Variants in GRHL2 observed in about 807,000 individuals in gnomAD.
GRHL2 encodes grainyhead like transcription factor 2.
GRHL2 carries 21 observed loss-of-function variants against 83.8 expected under a neutral mutation model. The observed-to-expected ratio is 0.25, with a 90% CI of 0.18 to 0.36. The LOEUF (loss-of-function observed/expected upper bound fraction) is 0.36, where lower values mean the gene tolerates loss of function less well. Among genes scored for constraint, GRHL2 ranks in the 10% least tolerant of loss-of-function variants. GRHL2 has a pLI of 1.00. For synonymous variants in GRHL2, 280 were observed against 278.9 expected, an observed-to-expected ratio of 1.00 and a Z score of -0.04; for missense variants, 623 against 781.8, an observed-to-expected ratio of 0.80 and a Z score of 2.42.
At chr8:101,653,184 C>T (rs995250072) in intron 14 of GRHL2, among the ~76,000 whole-genome samples, 1 of 152,090 alleles carries the variant, frequency 6.6e-6, no homozygotes. Context: ...GACAAGAAGG[C>T]AATGTGACCC....
intron 14 of GRHL2, among the ~76,000 whole-genome samples, chr8:101,656,292 A>C (rs954240599): frequency 1.1e-4 from 17 of 152,164 alleles, no homozygotes; most frequent in Non-Finnish European, 2.5e-4. Context: ...CCCTAGACTG[A>C]GTGCTGTGGG....
intron 7 of GRHL2, among the ~76,000 whole-genome samples, chr8:101,583,426 T>G (rs1226747414): frequency 6.6e-6 from 1 of 152,206 alleles, no homozygotes; most frequent in Non-Finnish European, 1.5e-5. Context: ...AAAAGGATCA[T>G]GAAGAAAAGC....
chr8:101,677,407 A>G, the GRHL2 span, among the ~76,000 whole-genome samples: 1 of 151,782 alleles, frequency 6.6e-6, no homozygotes, highest in African/African-American at 2.4e-5. Flanking sequence ...CTTTGCTAAT[A>G]ACCCCGACCA....
intron 1 of GRHL2, among the ~76,000 whole-genome samples, chr8:101,517,228 G>A (rs771514379): frequency 1.3e-5 from 2 of 152,232 alleles, no homozygotes; most frequent in South Asian, 2.1e-4. Flanking sequence ...AACTTCATCC[G>A]GGGCTTTCAG....
chr8:101,669,899 T>C (rs1814174314), downstream of GRHL2, among the ~76,000 whole-genome samples: 1 of 152,262 alleles, frequency 6.6e-6, no homozygotes, highest in South Asian at 2.1e-4. Context: ...CACCCCAGTG[T>C]TAAATGTGAA....
At chr8:101,652,399 C>G (rs1391497946) in intron 14 of GRHL2, among the ~76,000 whole-genome samples, 7,124 of 27,028 alleles carry the variant, frequency 0.26, 1,312 homozygotes, top group African/African-American at 0.37. Flanking sequence ...GTGTGTGTGT[C>G]TGGTGTGTGT....
chr8:101,546,554 A>C (rs1247580000), intron 2 of GRHL2, among the ~76,000 whole-genome samples: 1 of 151,932 alleles, frequency 6.6e-6, no homozygotes, highest in Non-Finnish European at 1.5e-5. Flanking sequence ...GGATTAAGAC[A>C]TGCATCACCG....
intron 6 of GRHL2, among the ~76,000 whole-genome samples, 192 bp downstream of exon 6, chr8:101,574,016 C>T (rs1314931523): frequency 6.6e-6 from 1 of 152,138 alleles, no homozygotes; most frequent in Non-Finnish European, 1.5e-5. Context: ...ACCAGTAAAC[C>T]CCAGGGAAGG....
At chr8:101,624,838 A>G in intron 9 of GRHL2, among the ~76,000 whole-genome samples, 1 of 152,174 alleles carries the variant, frequency 6.6e-6, no homozygotes, top group African/African-American at 2.4e-5. Flanking sequence ...CCAGAGACAC[A>G]CAGTGGGAAT....
intron 1 of GRHL2, among the ~76,000 whole-genome samples, chr8:101,539,710 A>T (rs1811112936): frequency 6.6e-6 from 1 of 152,218 alleles, no homozygotes; most frequent in Non-Finnish European, 1.5e-5. Flanking sequence ...AAATCCCATT[A>T]TTCTGCACTA....
chr8:101,513,969 T>A (rs562590334), intron 1 of GRHL2, among the ~76,000 whole-genome samples: 1 of 152,182 alleles, frequency 6.6e-6, no homozygotes, highest in Non-Finnish European at 1.5e-5. Flanking sequence ...ATGCTCCCTT[T>A]GTGTATCTGC....
chr8:101,678,237 G>A, the GRHL2 span, among the ~76,000 whole-genome samples: 8 of 152,300 alleles, frequency 5.3e-5, no homozygotes, highest in South Asian at 1.0e-3. Flanking sequence ...CACCGTGTGC[G>A]AGCCAAAGCA....
At chr8:101,522,856 A>G (rs770026750) in intron 1 of GRHL2, among the ~76,000 whole-genome samples, 6 of 151,662 alleles carry the variant, frequency 4.0e-5, no homozygotes, top group Non-Finnish European at 8.8e-5. Context: ...TAATTTCTAA[A>G]TAGGCCTTCT....
intron 14 of GRHL2, among the ~76,000 whole-genome samples, chr8:101,655,361 T>C (rs1001305295): frequency 2.0e-5 from 3 of 152,304 alleles, no homozygotes; most frequent in Admixed American, 6.5e-5. Context: ...TTTCCTTCCT[T>C]GCAACATGTG....
At chr8:101,673,488 A>T (rs1586189422), downstream of GRHL2, among the ~76,000 whole-genome samples, 1 of 147,578 alleles carries the variant, frequency 6.8e-6, no homozygotes, top group Non-Finnish European at 1.5e-5. Context: ...GATCAATTCA[A>T]CAAGAAGAGC....
rs145717789 is a variant in GRHL2, at chr8:101,631,713, A to G, written c.1334A>G (p.Gln445Arg). ...GGGAAAGGCCAGGCCTCCCAAACTC[A>G]ATGCAACAGCTGTGAGTTTCACTGA... ...KKGKGQASQT[Q>R]CNSSSDGKLA... Residue 445 changes from glutamine to arginine, a missense_variant, in exon 10 of 16, where the codon CAA (glutamine) becomes CGA (arginine). By Grantham distance (43) the Gln-to-Arg change is conservative. This residue lies in a region of GRHL2 where 210 missense variants were observed against 254.8 expected (regional missense o/e 0.82). Coordinates refer to ENST00000646743, the MANE Select transcript of GRHL2 (RefSeq NM_024915.4). 52 of 1,613,066 alleles carry G rather than the reference A, an allele frequency of 3.2e-5. No homozygotes were observed. In the East Asian group the frequency reaches 1.1e-3, roughly 35 times the overall value.
intron 8 of GRHL2, among the ~76,000 whole-genome samples, chr8:101,606,596 C>A (rs1812638949): frequency 6.6e-6 from 1 of 152,216 alleles, no homozygotes; most frequent in Non-Finnish European, 1.5e-5. Context: ...AATGTCCCAG[C>A]ACTGCCTGAC....
intron 1 of GRHL2, among the ~76,000 whole-genome samples, chr8:101,533,234 C>G (rs1810975585): frequency 1.3e-5 from 2 of 152,250 alleles, no homozygotes; most frequent in South Asian, 4.1e-4. Flanking sequence ...TATAATTATG[C>G]TTCCTAAAAT....
chr8:101,529,616 A>G (rs971816605), intron 1 of GRHL2: 50 of 205,478 alleles, frequency 2.4e-4, no homozygotes, highest in African/African-American at 8.5e-4. Context: ...CCTCTCAAGT[A>G]TCTTCCTTTT....
Sources: gnomAD v4.1 joint callset for allele counts (sites outside exome capture counted in the v4.1 genomes callset) on GRCh38, gnomAD v4.1.1 for gene constraint, gnomAD v4.1.1 regional missense constraint, MANE v1.5 for transcripts, NCBI Gene and HGNC (gene_info 2026-07-23, HGNC 2026-07-21) for gene names.